Variants in PALM2AKAP2 observed in about 807,000 individuals in gnomAD.
PALM2AKAP2 encodes the protein PALM2-AKAP2 fusion protein.
PALM2AKAP2 carries 37 observed loss-of-function variants against 71.5 expected under a neutral mutation model. The observed-to-expected ratio is 0.52, with a 90% CI of 0.40 to 0.68. The LOEUF is 0.68. Among genes scored for constraint, PALM2AKAP2 ranks in the 30% least tolerant of loss-of-function variants. The probability of loss-of-function intolerance (pLI) is 0.00; values close to 1 mark genes in which losing one functional copy is unlikely to be tolerated. For synonymous variants in PALM2AKAP2, 468 were observed against 478.8 expected (o/e 0.98, Z 0.29); for missense variants, 1,224 against 1,191.8 (o/e 1.03, Z -0.40).
chr9:109,794,242 A>ATGT (rs920580679), intron 1 of PALM2AKAP2, among the ~76,000 whole-genome samples: 26 of 152,018 alleles, frequency 1.7e-4, no homozygotes, highest in Non-Finnish European at 2.2e-4. Context: ...AGCCAACTGC[A>ATGT]TGTTGTTGTT....
intron 1 of PALM2AKAP2, among the ~76,000 whole-genome samples, chr9:110,059,361 G>A (rs945073208): frequency 3.3e-5 from 5 of 151,956 alleles, no homozygotes; most frequent in Admixed American, 1.3e-4. Flanking sequence ...AAACAGAGTT[G>A]GTGTTTTTGT....
intron 1 of PALM2AKAP2, among the ~76,000 whole-genome samples, chr9:110,066,132 G>C (rs1834074415): frequency 6.6e-6 from 1 of 152,200 alleles, no homozygotes; most frequent in Non-Finnish European, 1.5e-5. Flanking sequence ...TGGTGCAAAA[G>C]TTGTATGAGA....
At chr9:110,013,202 C>G (rs1832916247) in intron 6 of PALM2AKAP2, among the ~76,000 whole-genome samples, 1 of 152,214 alleles carries the variant, frequency 6.6e-6, no homozygotes. Context: ...AGCCTCACCT[C>G]TTAAGCCCAT....
intron 1 of PALM2AKAP2, among the ~76,000 whole-genome samples, chr9:110,133,030 A>G (rs1452982498): frequency 2.0e-5 from 3 of 152,218 alleles, no homozygotes; most frequent in Admixed American, 6.5e-5. Context: ...AAACAATTGC[A>G]AAAGTATATT....
chr9:109,777,144 A>G (rs578203651), upstream of PALM2AKAP2, among the ~76,000 whole-genome samples: 1 of 152,320 alleles, frequency 6.6e-6, no homozygotes, highest in Admixed American at 6.5e-5. Context: ...GTCTTAATCA[A>G]TGACTCTTTG....
chr9:110,078,437 T>C, intron 1 of PALM2AKAP2, among the ~76,000 whole-genome samples: 1 of 152,238 alleles, frequency 6.6e-6, no homozygotes, highest in African/African-American at 2.4e-5. Flanking sequence ...TGTATTCTTA[T>C]CTATTTTTAA....
At chr9:109,969,045 C>T (rs563005908) in intron 6 of PALM2AKAP2, among the ~76,000 whole-genome samples, 5 of 151,870 alleles carry the variant, frequency 3.3e-5, no homozygotes, top group Non-Finnish European at 7.4e-5. Context: ...ATGCAAGACC[C>T]TCTGATCTGA....
chr9:110,121,181 C>T (rs536205616), intron 1 of PALM2AKAP2, among the ~76,000 whole-genome samples: 18 of 152,256 alleles, frequency 1.2e-4, no homozygotes, highest in African/African-American at 4.3e-4. Context: ...CTTAGTTTCC[C>T]ACACTTTACT....
intron 1 of PALM2AKAP2, among the ~76,000 whole-genome samples, chr9:109,849,270 G>T (rs1270550160): frequency 2.0e-5 from 3 of 152,006 alleles, no homozygotes; most frequent in Non-Finnish European, 2.9e-5. Flanking sequence ...CCAGGACTCT[G>T]CATTGGCATT....
At chr9:109,940,426 T>C (rs1683391177) in intron 6 of PALM2AKAP2, among the ~76,000 whole-genome samples, 1 of 152,098 alleles carries the variant, frequency 6.6e-6, no homozygotes, top group African/African-American at 2.4e-5. Context: ...TGGGCCATAT[T>C]TGGATATGTA....
intron 6 of PALM2AKAP2, among the ~76,000 whole-genome samples, chr9:109,961,066 G>T (rs1831843615): frequency 6.6e-6 from 1 of 152,164 alleles, no homozygotes; most frequent in African/African-American, 2.4e-5. Flanking sequence ...ATCCTGGAAG[G>T]CTCCATTCAC....
chr9:110,095,372 C>A (rs1363899179), intron 1 of PALM2AKAP2, among the ~76,000 whole-genome samples: 2 of 152,134 alleles, frequency 1.3e-5, no homozygotes, highest in African/African-American at 4.8e-5. Flanking sequence ...GACACCGCAG[C>A]CTTGCTTTGC....
At chr9:110,156,268 C>A (rs1836453340) in intron 2 of PALM2AKAP2, 51 bp from the exon 9 acceptor site, 2 of 1,474,278 alleles carry the variant, frequency 1.4e-6, no homozygotes, top group South Asian at 3.1e-5. Flanking sequence ...TTTCTAAAAG[C>A]AGTCATGAGC....
intron 1 of PALM2AKAP2, chr9:109,640,963 G>T: frequency 7.1e-7 from 1 of 1,411,034 alleles, no homozygotes; most frequent in Non-Finnish European, 9.2e-7. Context: ...TCCGCGTCCA[G>T]GATGGGTGTT....
intron 1 of PALM2AKAP2, among the ~76,000 whole-genome samples, chr9:109,667,134 A>G (rs1185829050): frequency 6.6e-6 from 1 of 152,136 alleles, no homozygotes; most frequent in Non-Finnish European, 1.5e-5. Context: ...GAGCCACTCA[A>G]TTGAAGATTC....
At chr9:109,840,505 A>C (rs2131580995) in intron 1 of PALM2AKAP2, among the ~76,000 whole-genome samples, 1 of 152,352 alleles carries the variant, frequency 6.6e-6, no homozygotes, top group Admixed American at 6.5e-5. Context: ...ACAGAAGCCA[A>C]AATTGACAAA....
chr9:110,167,750 TATC>T (rs1276702217), intron 3 of PALM2AKAP2, among the ~76,000 whole-genome samples: 2 of 152,196 alleles, frequency 1.3e-5, no homozygotes, highest in African/African-American at 4.8e-5. Flanking sequence ...ATACTATAAA[TATC>T]ATCATGGCTT....
chr9:109,867,565 T>C lies in PALM2AKAP2; in HGVS notation c.120T>C (p.His40=), dbSNP rs776328602. ...ACGAGCAGATACTTCTGCTGCAGCATTCCAAGGTAAGCAGCTGATCCCAGG... is the reference window on the plus strand; with the variant it reads ...ACGAGCAGATACTTCTGCTGCAGCACTCCAAGGTAAGCAGCTGATCCCAGG... Residue 40 remains histidine, a synonymous_variant, in exon 2 of 10, where the codon CAT becomes CAC. Coordinates refer to the PALM2AKAP2 transcript ENST00000302798. The C allele has an allele frequency of 9.9e-6, 16 of 1,612,512 alleles. No homozygotes were observed. The Admixed American group carries it at 2.7e-4, about 27-fold the overall frequency.
intron 1 of PALM2AKAP2, among the ~76,000 whole-genome samples, chr9:110,119,215 C>T (rs1014803970): frequency 5.3e-5 from 8 of 151,540 alleles, no homozygotes; most frequent in African/African-American, 1.2e-4. Context: ...TGGTGGTGGG[C>T]GCCTGTAGGC....
Sources: allele counts gnomAD v4.1 joint callset (sites outside exome capture counted in the v4.1 genomes callset), GRCh38; gene constraint gnomAD v4.1.1; transcripts MANE v1.5; gene names NCBI Gene and HGNC (gene_info 2026-07-23, HGNC 2026-07-21).